IMMP2L: variants seen among roughly 807,000 people sequenced by gnomAD.
IMMP2L encodes mitochondrial inner membrane protease subunit 2.
Under a neutral mutation model 19.3 loss-of-function variants are expected in IMMP2L, and 18 were observed. The ratio of observed to expected loss-of-function variants is 0.93; its 90% CI spans 0.64 to 1.38. The LOEUF is 1.38. Ranked by LOEUF, IMMP2L falls within the 40% of genes most tolerant of loss-of-function variation. The pLI is 0.00. For missense variants in IMMP2L, 233 were observed against 218.2 expected (o/e 1.07, Z -0.43); for synonymous variants, 76 against 73.0 (o/e 1.04, Z -0.21).
intron 3 of IMMP2L, among the ~76,000 whole-genome samples, chr7:111,179,640 C>T (rs1460509294): frequency 1.3e-5 from 2 of 152,012 alleles, no homozygotes; most frequent in African/African-American, 4.8e-5. Context: ...CAGCTACATT[C>T]GCTCCTAACA....
At chr7:111,243,889 G>A (rs1180753373) in intron 3 of IMMP2L, among the ~76,000 whole-genome samples, 1 of 2,878 alleles carries the variant, frequency 3.5e-4, no homozygotes, top group African/African-American at 1.7e-3. Context: ...GTGTATATGT[G>A]CCACATTTTC....
intron 3 of IMMP2L, among the ~76,000 whole-genome samples, chr7:110,968,303 A>G (rs1166353510): frequency 6.6e-6 from 1 of 151,772 alleles, no homozygotes; most frequent in Non-Finnish European, 1.5e-5. Flanking sequence ...AGCAAATAGG[A>G]GACGTCATAT....
intron 3 of IMMP2L, among the ~76,000 whole-genome samples, chr7:111,445,128 T>A (rs1190361904): frequency 6.6e-6 from 1 of 152,066 alleles, no homozygotes; most frequent in Admixed American, 6.5e-5. Flanking sequence ...CTCTCAAGTA[T>A]GATATCCTTT....
chr7:110,954,688 A>T (rs2129554587), intron 4 of IMMP2L, among the ~76,000 whole-genome samples: 1 of 152,242 alleles, frequency 6.6e-6, no homozygotes, highest in Non-Finnish European at 1.5e-5. Flanking sequence ...ATCTGAACCA[A>T]GGCAGTTTGA....
intron 4 of IMMP2L, among the ~76,000 whole-genome samples, chr7:110,899,563 C>A (rs536309250): frequency 6.6e-6 from 1 of 152,170 alleles, no homozygotes; most frequent in African/African-American, 2.4e-5. Flanking sequence ...AATTCAAGCC[C>A]AAATTGCTTC....
chr7:111,289,166 C>G (rs10953685), intron 3 of IMMP2L, among the ~76,000 whole-genome samples: 55,406 of 151,166 alleles, frequency 0.37, 10,526 homozygotes, highest in South Asian at 0.61. Flanking sequence ...ACTAACACAA[C>G]AACAGAAAAC....
chr7:110,770,795 G>A (rs1436949895), intron 5 of IMMP2L, among the ~76,000 whole-genome samples: 1 of 152,144 alleles, frequency 6.6e-6, no homozygotes, highest in Non-Finnish European at 1.5e-5. Flanking sequence ...CTCCTGGGAC[G>A]TCTGACCTTC....
intron 3 of IMMP2L, among the ~76,000 whole-genome samples, chr7:111,107,290 TG>T (rs1450336701): frequency 6.6e-6 from 1 of 152,062 alleles, no homozygotes; most frequent in East Asian, 1.9e-4. Flanking sequence ...TTAAATTATA[TG>T]GGCATGTAAA....
At chr7:111,532,318 G>A (rs774528159) in intron 1 of IMMP2L, among the ~76,000 whole-genome samples, 20 of 152,128 alleles carry the variant, frequency 1.3e-4, no homozygotes, top group Non-Finnish European at 2.5e-4. Context: ...CCCTACTTCG[G>A]TCTTATTTTA....
chr7:111,437,444 C>T (rs1406780764), intron 3 of IMMP2L, among the ~76,000 whole-genome samples: 6 of 151,732 alleles, frequency 4.0e-5, no homozygotes, highest in East Asian at 1.9e-4. Flanking sequence ...GAAACTACAT[C>T]TCAAAAAAAA....
chr7:110,670,406 G>A (rs554457995), intron 5 of IMMP2L, among the ~76,000 whole-genome samples: 8 of 152,044 alleles, frequency 5.3e-5, no homozygotes, highest in African/African-American at 1.4e-4. Flanking sequence ...AAAACGCTAC[G>A]CAGCCGGGTG....
intron 5 of IMMP2L, among the ~76,000 whole-genome samples, chr7:110,689,059 A>G (rs1270787480): frequency 6.6e-6 from 1 of 152,138 alleles, no homozygotes; most frequent in Non-Finnish European, 1.5e-5. Flanking sequence ...ATCATCTGAC[A>G]ACTTGCTAGA....
chr7:111,359,192 T>C (rs1187272864), intron 3 of IMMP2L, among the ~76,000 whole-genome samples: 1 of 152,112 alleles, frequency 6.6e-6, no homozygotes, highest in African/African-American at 2.4e-5. Flanking sequence ...ATACAAAAAT[T>C]TGATTTTTCT....
chr7:111,280,472 C>T (rs891657465), intron 3 of IMMP2L, among the ~76,000 whole-genome samples: 25 of 152,166 alleles, frequency 1.6e-4, no homozygotes, highest in African/African-American at 6.0e-4. Flanking sequence ...CTGCCTATCA[C>T]AACACAGAAC....
chr7:111,210,012 G>C (rs1015092171), intron 3 of IMMP2L, among the ~76,000 whole-genome samples: 7 of 152,176 alleles, frequency 4.6e-5, no homozygotes, highest in African/African-American at 1.7e-4. Context: ...TTTGCCGAGA[G>C]TGAATAATCA....
intron 3 of IMMP2L, among the ~76,000 whole-genome samples, chr7:111,298,758 CAA>C (rs36095137): frequency 4.3e-5 from 5 of 116,032 alleles, no homozygotes; most frequent in Admixed American, 8.4e-5. Flanking sequence ...GACTCTGCCT[CAA>C]AAAAAAAAAA....
At chr7:110,980,951 C>T (rs187725002) in intron 3 of IMMP2L, among the ~76,000 whole-genome samples, 4 of 152,020 alleles carry the variant, frequency 2.6e-5, no homozygotes, top group Admixed American at 6.5e-5. Context: ...TGTAAATAAT[C>T]AAGTTTTTAG....
intron 5 of IMMP2L, among the ~76,000 whole-genome samples, chr7:110,775,027 C>G (rs1410021114): frequency 6.6e-6 from 1 of 151,922 alleles, no homozygotes; most frequent in African/African-American, 2.4e-5. Flanking sequence ...TCAATGATTA[C>G]TTAGTGATAT....
chr7:111,334,965 T>C (rs1159278869), intron 3 of IMMP2L, among the ~76,000 whole-genome samples: 3 of 152,082 alleles, frequency 2.0e-5, no homozygotes, highest in Non-Finnish European at 2.9e-5. Flanking sequence ...ATCACTCTTA[T>C]ACTGTTAATC....
Sources: allele counts gnomAD v4.1 joint callset (sites outside exome capture counted in the v4.1 genomes callset), GRCh38; gene constraint gnomAD v4.1.1; transcripts MANE v1.5; gene names NCBI Gene and HGNC (gene_info 2026-07-23, HGNC 2026-07-21).